TWIST2: variants seen among roughly 807,000 people sequenced by gnomAD.
TWIST2 encodes the protein twist family bHLH transcription factor 2.
TWIST2 carries 1 observed loss-of-function variant against 11.6 expected under a neutral mutation model. The ratio of observed to expected loss-of-function variants is 0.09; its 90% CI spans 0.03 to 0.41. TWIST2 has a LOEUF of 0.41. Ranked by LOEUF, TWIST2 falls within the 10% of genes least tolerant of loss-of-function variation. The probability of loss-of-function intolerance (pLI) is 0.98; values close to 1 mark genes in which losing one functional copy is unlikely to be tolerated. For synonymous variants in TWIST2, 87 were observed against 96.6 expected (o/e 0.90, Z 0.58); for missense variants, 168 against 226.4 (o/e 0.74, Z 1.66).
At chr2:238,904,971 AAGAG>A (rs1209224205) in intron 1 of TWIST2, among the ~76,000 whole-genome samples, 19 of 152,044 alleles carry the variant, frequency 1.2e-4, no homozygotes, top group African/African-American at 3.9e-4. Context: ...GGAAGGAAGG[AAGAG>A]AGAAAGAAAA....
intron 1 of TWIST2, among the ~76,000 whole-genome samples, chr2:238,902,902 TGGGTATGTG>T (rs1693291742): frequency 1.9e-5 from 1 of 51,812 alleles, no homozygotes; most frequent in Non-Finnish European, 3.5e-5. Context: ...GGGTGTGTGA[TGGGTATGTG>T]CGTGATGTGA....
At chr2:238,897,957 T>G (rs934528316) in intron 1 of TWIST2, among the ~76,000 whole-genome samples, 16 of 152,168 alleles carry the variant, frequency 1.1e-4, no homozygotes, top group Non-Finnish European at 2.9e-5. Flanking sequence ...GCCCATTGGG[T>G]GGGTGATCAC....
At chr2:238,860,341 G>A (rs1692409496) in intron 1 of TWIST2, among the ~76,000 whole-genome samples, 1 of 152,160 alleles carries the variant, frequency 6.6e-6, no homozygotes, top group African/African-American at 2.4e-5. Flanking sequence ...CCTGATCTGT[G>A]CACCCTTTAC....
At chr2:238,868,330 C>T (rs953537399) in intron 1 of TWIST2, among the ~76,000 whole-genome samples, 28 of 152,342 alleles carry the variant, frequency 1.8e-4, no homozygotes, top group African/African-American at 6.3e-4. Flanking sequence ...CCCCCCGCCC[C>T]CCAGCCTGCT....
intron 1 of TWIST2, among the ~76,000 whole-genome samples, chr2:238,898,564 A>G (rs1693233219): frequency 1.3e-5 from 2 of 152,312 alleles, no homozygotes; most frequent in South Asian, 4.1e-4. Context: ...CGCTCCTGAG[A>G]CACAGCTCAG....
chr2:238,897,116 A>G (rs1209422380), intron 1 of TWIST2, among the ~76,000 whole-genome samples: 1 of 152,070 alleles, frequency 6.6e-6, no homozygotes, highest in Non-Finnish European at 1.5e-5. Context: ...TCTTAGCCTC[A>G]CCATCGTCCC....
intron 1 of TWIST2, among the ~76,000 whole-genome samples, chr2:238,886,177 A>G (rs1017784340): frequency 6.6e-6 from 1 of 152,008 alleles, no homozygotes; most frequent in African/African-American, 2.4e-5. Flanking sequence ...TCCACAAACA[A>G]CAGAACAGCT....
intron 1 of TWIST2, among the ~76,000 whole-genome samples, chr2:238,903,252 ATGTAG>A (rs1291054506): frequency 8.6e-6 from 1 of 116,770 alleles, no homozygotes; most frequent in Non-Finnish European, 1.8e-5. Context: ...TGTGTGTGAG[ATGTAG>A]TGTGTGTGCG....
chr2:238,900,618 C>T (rs925212622), intron 1 of TWIST2, among the ~76,000 whole-genome samples: 6 of 152,206 alleles, frequency 3.9e-5, no homozygotes, highest in Non-Finnish European at 7.3e-5. Flanking sequence ...TTGCTTCTCT[C>T]GCTCTCCCGC....
intron 1 of TWIST2, among the ~76,000 whole-genome samples, chr2:238,897,126 C>T (rs996736814): frequency 1.6e-4 from 25 of 152,180 alleles, no homozygotes; most frequent in Non-Finnish European, 3.1e-4. Context: ...ACCATCGTCC[C>T]ACAGAAATAT....
chr2:238,883,178 A>T (rs1692967865), intron 1 of TWIST2, among the ~76,000 whole-genome samples: 1 of 152,230 alleles, frequency 6.6e-6, no homozygotes, highest in East Asian at 1.9e-4. Context: ...CTTGGAGGAC[A>T]GCCGCGGTGT....
intron 1 of TWIST2, among the ~76,000 whole-genome samples, chr2:238,892,470 G>GTTTGT (rs1211342654): frequency 4.6e-5 from 7 of 152,006 alleles, no homozygotes; most frequent in Non-Finnish European, 8.8e-5. Flanking sequence ...ATGGTTTTTT[G>GTTTGT]TTTGTTTTGT....
In TWIST2 at chr2:238,902,938, GT is replaced by G. The variant is rs1693292510; in HGVS notation, c.*36-6903del. Among the ~76,000 whole-genome samples, 2 of 64,156 alleles carry G rather than the reference GT, an allele frequency of 3.1e-5. 1 individual carries two copies. Among genetic ancestry groups the G allele is most frequent in the South Asian group, 1.6e-3 (2 of 1,250 alleles). The allele number at this position is 64,156 out of a possible 152,430, so 42.1% of individuals were successfully genotyped here. On this transcript the variant is annotated intron_variant, in intron 1 of 1. Transcript: ENST00000612363. Reference sequence around the variant, plus strand: ...GTGATGTGAGGTGTGTGTGATGTGGGTGTTGTGATGTGTGAGGTGTGTGTGA... The same window carrying G: ...GTGATGTGAGGTGTGTGTGATGTGGGGTTGTGATGTGTGAGGTGTGTGTGA...
rs1692507152 is a variant in TWIST2, at chr2:238,864,979, G to T, written c.*35+16246G>T. Among the ~76,000 whole-genome samples, 1 of 152,104 alleles carries T rather than the reference G, an allele frequency of 6.6e-6. No individual in the cohort carries two copies. Among genetic ancestry groups the T allele is most frequent in the Non-Finnish European group, 1.5e-5 (1 of 68,014 alleles). On this transcript the variant is annotated intron_variant, in intron 1 of 1. Transcript: ENST00000612363. The surrounding 1 kb of genome is among the most constrained non-coding windows in gnomAD (Gnocchi z 4.7). ...GGCTCGGTGGGCCTGGCCACCCGAGGGGCCTCTTCTCTCCCCCTGCAAACT... is the reference window on the plus strand; with the variant it reads ...GGCTCGGTGGGCCTGGCCACCCGAGTGGCCTCTTCTCTCCCCCTGCAAACT...
chr2:238,890,779 G>C (rs977310314), intron 1 of TWIST2, among the ~76,000 whole-genome samples: 2 of 152,130 alleles, frequency 1.3e-5, no homozygotes, highest in African/African-American at 4.8e-5. Context: ...CTGGGGCAGG[G>C]GGATTAGTCT....
At chr2:238,906,778 C>A (rs1389541342) in intron 1 of TWIST2, among the ~76,000 whole-genome samples, 2 of 152,176 alleles carry the variant, frequency 1.3e-5, no homozygotes, top group African/African-American at 4.8e-5. Flanking sequence ...CACGGTGACC[C>A]CTCTCCTGGC....
chr2:238,907,291 TG>T (rs1693368762), intron 1 of TWIST2, among the ~76,000 whole-genome samples: 1 of 152,202 alleles, frequency 6.6e-6, no homozygotes, highest in Non-Finnish European at 1.5e-5. Flanking sequence ...CTGTACACCC[TG>T]GGTCTCAGAC....
At chr2:238,890,589 T>A (rs867984342) in intron 1 of TWIST2, among the ~76,000 whole-genome samples, 2 of 152,186 alleles carry the variant, frequency 1.3e-5, no homozygotes, top group Non-Finnish European at 2.9e-5. Context: ...ATTCACTGTT[T>A]AGGAAAATAT....
chr2:238,898,927 C>A (rs1325240028), intron 1 of TWIST2, among the ~76,000 whole-genome samples: 1 of 152,244 alleles, frequency 6.6e-6, no homozygotes, highest in Non-Finnish European at 1.5e-5. Context: ...CCTGGTGGGC[C>A]CCTTGGCACC....
Sources: allele counts gnomAD v4.1 joint callset (sites outside exome capture counted in the v4.1 genomes callset), GRCh38; gene constraint gnomAD v4.1.1; non-coding constraint Gnocchi (gnomAD v3.1); transcripts MANE v1.5; gene names NCBI Gene and HGNC (gene_info 2026-07-23, HGNC 2026-07-21).